The following ALPK2 variants were observed in gnomAD, a reference collection of about 807,000 sequenced individuals.
ALPK2 encodes alpha-protein kinase 2.
In ALPK2, 127 loss-of-function variants were observed where a neutral mutation model predicts 163.1. That is an observed-to-expected ratio of 0.78 (90% confidence interval 0.67 to 0.90). ALPK2 has a LOEUF of 0.90. Among genes scored for constraint, ALPK2 ranks in the 40% least tolerant of loss-of-function variants. The pLI is 0.00. For synonymous variants in ALPK2, 953 were observed against 959.1 expected, an observed-to-expected ratio of 0.99 and a Z score of 0.12; for missense variants, 2,360 against 2,589.6, an observed-to-expected ratio of 0.91 and a Z score of 1.92.
intron 3 of ALPK2, among the ~76,000 whole-genome samples, chr18:58,592,153 G>A (rs186503722): frequency 8.5e-5 from 13 of 152,312 alleles, no homozygotes; most frequent in East Asian, 3.9e-4. Flanking sequence ...GGAACACCCC[G>A]TTCTCCCATG....
intron 8 of ALPK2, among the ~76,000 whole-genome samples, chr18:58,518,562 G>C (rs958849140): frequency 6.6e-6 from 1 of 152,166 alleles, no homozygotes; most frequent in African/African-American, 2.4e-5. Context: ...AAGAAGCAGA[G>C]GCAAGAAAGC....
chr18:58,563,972 C>T (rs2051837648), intron 4 of ALPK2, among the ~76,000 whole-genome samples: 1 of 152,060 alleles, frequency 6.6e-6, no homozygotes, highest in Non-Finnish European at 1.5e-5. Context: ...AGAGAAAAAT[C>T]TGTTTCCATA....
intron 6 of ALPK2, among the ~76,000 whole-genome samples, chr18:58,526,279 G>A (rs2051584640): frequency 6.6e-6 from 1 of 152,146 alleles, no homozygotes; most frequent in African/African-American, 2.4e-5. Flanking sequence ...CAGGGAGAGG[G>A]TACTTAGCAT....
rs576126970 is a variant in ALPK2, at chr18:58,583,737, CAA to C, written c.228-3191_228-3190del. ...TGGATGGCAGAGCAAGACTTTGTCT[CAA>C]AAAAAAAAAAAAAAAGAAAGAAAGA... is the stretch of plus-strand genomic sequence containing the variant. On this transcript the variant is annotated intron_variant, in intron 3 of 12. Transcript: ENST00000361673. Among the ~76,000 whole-genome samples the C allele has an allele frequency of 8.0e-3, 955 of 119,560 alleles. 4 individuals carry two copies. The highest frequency in any genetic ancestry group is 1.0e-2 in the African/African-American group (313 of 31,362). The allele number at this position is 119,560 out of a possible 152,430, so 78.4% of individuals were successfully genotyped here.
At chr18:58,615,678 C>CT (rs1226665743) in intron 1 of ALPK2, among the ~76,000 whole-genome samples, 1 of 152,202 alleles carries the variant, frequency 6.6e-6, no homozygotes, top group East Asian at 1.9e-4. Flanking sequence ...AAAAATGTCT[C>CT]TGGGTGTAAT....
intron 3 of ALPK2, among the ~76,000 whole-genome samples, chr18:58,589,188 C>T (rs2144208079): frequency 6.6e-6 from 1 of 152,276 alleles, no homozygotes; most frequent in Middle Eastern, 3.4e-3. Flanking sequence ...GGTTTGTTCA[C>T]TTGTGTATCC....
rs2051829493 is a variant in ALPK2, at chr18:58,562,307, A to AAAGTCAAGAGTTTTGACATCTCAACTTCT, written c.1962+16506_1962+16507insAGAAGTTGAGATGTCAAAACTCTTGACTT. 2.0e-5 allele frequency among the ~76,000 whole-genome samples: 3 copies of AAAGTCAAGAGTTTTGACATCTCAACTTCT among 152,250 alleles called. No individual in the cohort carries two copies. In the East Asian group the frequency reaches 5.8e-4, roughly 29 times the overall value. On this transcript the variant is annotated intron_variant, in intron 4 of 12. Transcript: ENST00000361673. ...TCAGTGCAGACTTTTGACCTATAGAAGTTGAGATGATGATCTAAAAATTTA... is the reference window on the plus strand; with the variant it reads ...TCAGTGCAGACTTTTGACCTATAGAAAAGTCAAGAGTTTTGACATCTCAACTTCTGTTGAGATGATGATCTAAAAATTTA...
At chr18:58,550,777 A>T (rs1453881812) in intron 4 of ALPK2, among the ~76,000 whole-genome samples, 31 of 150,124 alleles carry the variant, frequency 2.1e-4, no homozygotes, top group African/African-American at 7.6e-4. Context: ...TATCATGTAC[A>T]ACCCCATCCA....
intron 10 of ALPK2, among the ~76,000 whole-genome samples, chr18:58,504,787 T>C (rs1417312527): frequency 3.3e-5 from 5 of 152,088 alleles, no homozygotes; most frequent in African/African-American, 4.8e-5. Flanking sequence ...AGCTGTCTTA[T>C]GTAGGGAGGT....
At chr18:58,563,316 G>A (rs1327504090) in intron 4 of ALPK2, among the ~76,000 whole-genome samples, 1 of 152,204 alleles carries the variant, frequency 6.6e-6, no homozygotes, top group Non-Finnish European at 1.5e-5. Context: ...TTTAAAAGCT[G>A]TAGTATTATA....
At chr18:58,553,768 C>T (rs2051771607) in intron 4 of ALPK2, among the ~76,000 whole-genome samples, 3 of 152,016 alleles carry the variant, frequency 2.0e-5, no homozygotes, top group African/African-American at 7.2e-5. Flanking sequence ...TGAGGCTTCC[C>T]CAGCCATGCT....
Position 58,579,569 on chromosome 18 carries a change from G to T in ALPK2, c.1207C>A (p.His403Asn). ...PMVATAGFCG[H>N]HSQPQEVGVR... Reference sequence around the variant, plus strand: ...CCAACTTCTTGGGGTTGTGAGTGATGACCACAGAAGCCAGCAGTGGCAACC... The same window carrying T: ...CCAACTTCTTGGGGTTGTGAGTGATTACCACAGAAGCCAGCAGTGGCAACC... Residue 403 changes from histidine to asparagine, a missense_variant, in exon 4 of 13, where the codon CAT (histidine) becomes AAT (asparagine). Coordinates refer to ENST00000361673, the MANE Select transcript of ALPK2 (RefSeq NM_052947.4). 1 of 1,613,432 alleles carries T rather than the reference G, an allele frequency of 6.2e-7. No homozygotes were observed.
intron 4 of ALPK2, among the ~76,000 whole-genome samples, chr18:58,576,834 C>A (rs1345945078): frequency 3.3e-5 from 5 of 152,232 alleles, no homozygotes; most frequent in African/African-American, 4.8e-5. Context: ...AAATGTACAG[C>A]TTCCATTCAC....
chr18:58,547,362 G>T (rs751926387), intron 4 of ALPK2, among the ~76,000 whole-genome samples: 12 of 152,216 alleles, frequency 7.9e-5, no homozygotes, highest in Non-Finnish European at 1.6e-4. Context: ...ACCCCAGAGA[G>T]GGGCAGGAAA....
intron 4 of ALPK2, 81 bp downstream of exon 4, chr18:58,578,733 G>GACACACACACGCGCGCGCGCGCGCGC (rs777103869): frequency 3.4e-5 from 18 of 533,296 alleles, no homozygotes; most frequent in African/African-American, 2.9e-4. Flanking sequence ...TAAAGGAAGA[G>GACACACACACGCGCGCGCGCGCGCGC]ACACACACAC....
intron 6 of ALPK2, 44 bp from the exon 7 acceptor site, chr18:58,524,106 A>G (rs747818365): frequency 6.3e-7 from 1 of 1,575,528 alleles, no homozygotes; most frequent in Non-Finnish European, 8.6e-7. Flanking sequence ...ATCATTCTAC[A>G]GTTGCATTTT....
chr18:58,578,855 A>G lies in ALPK2; in HGVS notation c.1921T>C (p.Phe641Leu). Residue 641 changes from phenylalanine (F) to leucine (L), a missense_variant, in exon 4 of 13, where the codon TTT (phenylalanine) becomes CTT (leucine). Coordinates refer to ENST00000361673, the MANE Select transcript of ALPK2 (RefSeq NM_052947.4). ...CAGTCTGGAACCTGGCTTGTTTCAA[A>G]TAGAGTATTAACTTGCATGCCTTCT... The part of the protein sequence containing the change: ...KGEGMQVNTL[F>L]ETSQVPDWSD... 6.2e-7 allele frequency: 1 copy of G among 1,614,020 alleles called. No individual in the cohort carries two copies.
intron 3 of ALPK2, among the ~76,000 whole-genome samples, chr18:58,582,942 T>C (rs899829101): frequency 6.6e-6 from 1 of 152,070 alleles, no homozygotes; most frequent in African/African-American, 2.4e-5. Flanking sequence ...AAGCCAAGGT[T>C]CTTGTATGTA....
intron 4 of ALPK2, among the ~76,000 whole-genome samples, chr18:58,540,991 G>A (rs2051686664): frequency 6.6e-6 from 1 of 152,230 alleles, no homozygotes; most frequent in African/African-American, 2.4e-5. Context: ...TCATTAGGAT[G>A]AGCTTGGTCA....
Sources: gnomAD v4.1 joint callset for allele counts (sites outside exome capture counted in the v4.1 genomes callset) on GRCh38, gnomAD v4.1.1 for gene constraint, MANE v1.5 for transcripts, NCBI Gene and HGNC (gene_info 2026-07-23, HGNC 2026-07-21) for gene names.